Variants in TBPL2 observed in about 807,000 individuals in gnomAD.
TBPL2 encodes TATA-box binding protein like 2, also known as TATA box-binding protein-like 2.
TBPL2 carries 40 observed loss-of-function variants against 38.2 expected under a neutral mutation model. The ratio of observed to expected loss-of-function variants is 1.05; its 90% CI spans 0.81 to 1.36. The LOEUF is 1.36. Among genes scored for constraint, TBPL2 ranks in the 40% most tolerant of loss-of-function variants. The pLI is 0.00. For missense variants in TBPL2, 461 were observed against 456.7 expected, an observed-to-expected ratio of 1.01 and a Z score of -0.09; for synonymous variants, 169 against 171.7, an observed-to-expected ratio of 0.98 and a Z score of 0.12.
chr14:55,440,602 G>T, exon 1 of TBPL2: 7 of 1,512,624 alleles, frequency 4.6e-6, no homozygotes, highest in Non-Finnish European at 6.2e-6. Flanking sequence ...CCTGCAGAGG[G>T]CGCGAGAGAA....
chr14:55,415,110 C>A (rs1885648841), intron 6 of TBPL2, among the ~76,000 whole-genome samples: 1 of 152,180 alleles, frequency 6.6e-6, no homozygotes, highest in Non-Finnish European at 1.5e-5. Flanking sequence ...CAACCAAACA[C>A]CACCATTACC....
At chr14:55,415,960 G>A (rs74414469) in intron 6 of TBPL2, among the ~76,000 whole-genome samples, 1,869 of 152,234 alleles carry the variant, frequency 0.012, 11 homozygotes, top group Middle Eastern at 0.024. Flanking sequence ...TGTTTCTTAG[G>A]CTCATCTAAG....
chr14:55,422,614 G>A (rs1175563459), intron 6 of TBPL2, among the ~76,000 whole-genome samples: 1 of 152,192 alleles, frequency 6.6e-6, no homozygotes, highest in Non-Finnish European at 1.5e-5. Context: ...CACTTTGAGA[G>A]GCCAAGGCAG....
At chr14:55,422,016 G>C (rs1266719504) in intron 6 of TBPL2, among the ~76,000 whole-genome samples, 1 of 152,030 alleles carries the variant, frequency 6.6e-6, no homozygotes, top group African/African-American at 2.4e-5. Flanking sequence ...AGTAATGAGG[G>C]GAAATTGGCC....
chr14:55,437,578 G>T (rs1424074826), intron 1 of TBPL2, among the ~76,000 whole-genome samples: 1 of 152,192 alleles, frequency 6.6e-6, no homozygotes, highest in Non-Finnish European at 1.5e-5. Context: ...TAGCTACTTT[G>T]GTTAGATCTC....
chr14:55,416,319 TG>T (rs2140162515), intron 6 of TBPL2, among the ~76,000 whole-genome samples: 2 of 152,248 alleles, frequency 1.3e-5, no homozygotes, highest in South Asian at 4.2e-4. Flanking sequence ...AGGGCAGGCA[TG>T]GTGGCTCACA....
intron 3 of TBPL2, among the ~76,000 whole-genome samples, chr14:55,434,655 G>A (rs4901562): frequency 0.4 from 60,668 of 152,044 alleles, 14,061 homozygotes; most frequent in East Asian, 0.6. Context: ...CTGCAGCTGT[G>A]AGGATCTTAG....
At chr14:55,426,533 A>G (rs1193251027) in intron 5 of TBPL2, among the ~76,000 whole-genome samples, 1 of 152,164 alleles carries the variant, frequency 6.6e-6, no homozygotes, top group Non-Finnish European at 1.5e-5. Context: ...GAGAGGCCTC[A>G]TGTTAAAAAT....
At position 55,433,519 on chromosome 14, in the gene TBPL2, A is replaced by T; in HGVS notation, c.788+111T>A. On this transcript the variant is annotated intron_variant, in intron 4 of 6. Coordinates refer to ENST00000247219, the Ensembl canonical transcript of TBPL2. The stretch of plus-strand genomic sequence containing the variant: ...CATTTCATTGAATAAAGTCTTCAGC[A>T]AAGAAAGGCATTTTGCTTCTACTAT... 4.0e-6 allele frequency: 4 copies of T among 1,010,114 alleles called. 1 individual carries two copies. Among genetic ancestry groups the T allele is most frequent in the Non-Finnish European group, 6.0e-6 (4 of 667,278 alleles). The allele number at this position is 1,010,114 out of a possible 1,614,324, so 62.6% of individuals were successfully genotyped here.
At chr14:55,439,538 C>A (rs61976569) in intron 1 of TBPL2, among the ~76,000 whole-genome samples, 74,451 of 145,936 alleles carry the variant, frequency 0.51, 19,181 homozygotes, top group East Asian at 0.63. Flanking sequence ...GCCTGAAATC[C>A]CAGCACTTCG....
At chr14:55,430,095 C>G (rs957542564) in intron 4 of TBPL2, among the ~76,000 whole-genome samples, 1 of 152,118 alleles carries the variant, frequency 6.6e-6, no homozygotes, top group Non-Finnish European at 1.5e-5. Flanking sequence ...CCTGTGGAGT[C>G]CTGAGAGGTG....
exon 1 of TBPL2, chr14:55,440,552 G>A: frequency 6.3e-7 from 1 of 1,586,552 alleles, no homozygotes; most frequent in Non-Finnish European, 8.6e-7. Flanking sequence ...CCATTTATGA[G>A]CCTGGGGGCA....
intron 1 of TBPL2, chr14:55,438,764 T>TA (rs1886056402): frequency 6.6e-6 from 1 of 152,298 alleles, no homozygotes; most frequent in Admixed American, 6.5e-5. Context: ...TCAGAATCTT[T>TA]AGTCATTTTT....
chr14:55,430,806 C>T (rs1159283545), intron 4 of TBPL2, among the ~76,000 whole-genome samples: 1 of 152,156 alleles, frequency 6.6e-6, no homozygotes, highest in Non-Finnish European at 1.5e-5. Context: ...AGGCCATGTC[C>T]CCAGGTTAGC....
chr14:55,438,039 T>C (rs17128484), intron 1 of TBPL2, among the ~76,000 whole-genome samples: 14,231 of 152,252 alleles, frequency 0.093, 715 homozygotes, highest in African/African-American at 0.13. Flanking sequence ...GACTTTATTA[T>C]GGGAAAAAAT....
In TBPL2 at chr14:55,439,930, C is replaced by CAAAAAAAAAAAAAAA. The variant is rs71131272; in HGVS notation, c.150+451_150+465dup. Among the ~76,000 whole-genome samples, 291 of 39,122 alleles carry CAAAAAAAAAAAAAAA rather than the reference C, an allele frequency of 7.4e-3. 10 individuals carry two copies. Among genetic ancestry groups the CAAAAAAAAAAAAAAA allele is most frequent in the Non-Finnish European group, 0.011 (237 of 22,478 alleles). 25.7% of individuals were successfully genotyped at this position (39,122 alleles called of 152,430 possible). ...TGGGTGACAGAGCGAGACTCTGTCT[C>CAAAAAAAAAAAAAAA]AAAAAAAAAAAAAAAAAAAAATTAG... On this transcript the variant is annotated intron_variant, in intron 1 of 6. Transcript: ENST00000247219.
At chr14:55,430,441 CTGTT>C (rs1232640721) in intron 4 of TBPL2, among the ~76,000 whole-genome samples, 1 of 144,492 alleles carries the variant, frequency 6.9e-6, no homozygotes, top group Admixed American at 6.9e-5. Context: ...GGTTTTTGCT[CTGTT>C]ACCCAGGCTG....
intron 5 of TBPL2, among the ~76,000 whole-genome samples, chr14:55,426,926 G>A (rs1195356440): frequency 6.7e-6 from 1 of 150,212 alleles, no homozygotes; most frequent in South Asian, 2.1e-4. Flanking sequence ...GAAATGAATG[G>A]ACACTTGGGA....
At chr14:55,414,542 A>G (rs1885641294) in intron 6 of TBPL2, 87 bp from the exon 7 acceptor site, 3 of 938,910 alleles carry the variant, frequency 3.2e-6, no homozygotes, top group Non-Finnish European at 4.7e-6. Context: ...ATTGTCTCCA[A>G]TTACTTTTAA....
Sources: gnomAD v4.1 joint callset for allele counts (sites outside exome capture counted in the v4.1 genomes callset) on GRCh38, gnomAD v4.1.1 for gene constraint, MANE v1.5 for transcripts, NCBI Gene and HGNC (gene_info 2026-07-23, HGNC 2026-07-21) for gene names.